The following MKS1 variants were observed in gnomAD, a reference collection of about 807,000 sequenced individuals.
MKS1 encodes the protein tectonic-like complex member MKS1.
In MKS1, 70 loss-of-function variants were observed where a neutral mutation model predicts 83.7. The observed-to-expected ratio is 0.84, with a 90% CI of 0.69 to 1.02. The LOEUF (loss-of-function observed/expected upper bound fraction) is 1.02, where lower values mean the gene tolerates loss of function less well. Ranked by LOEUF, MKS1 falls within the 50% of genes least tolerant of loss-of-function variation. The pLI is 0.00. For synonymous variants in MKS1, 251 were observed against 273.4 expected, an observed-to-expected ratio of 0.92 and a Z score of 0.81; for missense variants, 681 against 726.9, an observed-to-expected ratio of 0.94 and a Z score of 0.73.
At chr17:58,215,268 A>G (rs1969122945) in intron 4 of MKS1, among the ~76,000 whole-genome samples, 1 of 152,120 alleles carries the variant, frequency 6.6e-6, no homozygotes, top group Non-Finnish European at 1.5e-5. Flanking sequence ...ATTTTATTTA[A>G]TTTATATATT....
intron 11 of MKS1, 86 bp downstream of exon 11, chr17:58,210,573 C>T (rs1451223981): frequency 7.3e-6 from 9 of 1,240,418 alleles, no homozygotes; most frequent in Non-Finnish European, 1.1e-5. Context: ...ACAGTTTCAG[C>T]AGAGGAGTGG....
chr17:58,219,206 C>A lies in MKS1; in HGVS notation c.25G>T (p.Asp9Tyr). The change falls in exon 1 of 18, where the codon GAC becomes TAC. Residue 9 changes from aspartate to tyrosine, a missense_variant. Physicochemically the swap from Asp to Tyr is radical, Grantham distance 160. This residue lies in a region of MKS1 where 365 missense variants were observed against 383.8 expected (regional missense o/e 0.95). Coordinates refer to ENST00000393119, the MANE Select transcript of MKS1 (RefSeq NM_017777.4). MAETVWSTDTGEAVYRSRD... is the reference protein window; with the variant it reads MAETVWSTYTGEAVYRSRD... ...GAGCGATACACTGCCTCCCCGGTGT[C>A]AGTGCTCCAGACGGTCTCCGCCATG... The A allele has an allele frequency of 2.6e-6, 4 of 1,551,076 alleles. No homozygotes were observed. The highest frequency in any genetic ancestry group is 3.5e-6 in the Non-Finnish European group (4 of 1,146,986).
At position 58,205,929 on chromosome 17, in the gene MKS1, G is replaced by A; in HGVS notation, c.*150C>T. ...AGGGAGAAGACCCTGCAGAAGGCTAGGCAGAGGGGCCAGCCGGGAATTTCC... is the reference window on the plus strand; with the variant it reads ...AGGGAGAAGACCCTGCAGAAGGCTAAGCAGAGGGGCCAGCCGGGAATTTCC... On this transcript the variant is annotated 3_prime_UTR_variant, in exon 18 of 18. Coordinates refer to ENST00000393119, the MANE Select transcript of MKS1 (RefSeq NM_017777.4). The A allele has an allele frequency of 6.6e-7, 1 of 1,507,002 alleles. No homozygotes were observed. The highest frequency in any genetic ancestry group is 8.8e-7 in the Non-Finnish European group (1 of 1,130,706). The allele number at this position is 1,507,002 out of a possible 1,614,324, so 93.4% of individuals were successfully genotyped here.
Position 58,213,872 on chromosome 17 carries a change from A to G in MKS1, c.645-3T>C. On this transcript the variant is annotated splice_polypyrimidine_tract_variant and splice_region_variant and intron_variant, in intron 6 of 17. Transcript: ENST00000393119. ...GTTCATACTTCTTATAGCCAAGCCT[A>G]GAAATCAGGAAAACACCAAGGTTGA... The G allele has an allele frequency of 6.2e-7, 1 of 1,610,970 alleles. No individual in the cohort carries two copies.
At position 58,216,727 on chromosome 17, in the gene MKS1, C is replaced by A. The variant is rs780293222; in HGVS notation, c.200G>T (p.Arg67Leu). 6.2e-7 allele frequency: 1 copy of A among 1,614,098 alleles called. No individual in the cohort carries two copies. Among genetic ancestry groups the A allele is most frequent in the Non-Finnish European group, 8.5e-7 (1 of 1,179,984 alleles). The change falls in exon 3 of 18, where the codon CGC becomes CTC. Residue 67 changes from arginine (R) to leucine (L), a missense_variant. Coordinates refer to ENST00000393119, the MANE Select transcript of MKS1 (RefSeq NM_017777.4). ...FRPQPTASGH[R>L]PEEDEEEEIV... ...CTCCTCCTCTTCGTCTTCCTCTGGG[C>A]GGTGTCCACCTCCAAAGACAACAGA...
chr17:58,208,256 C>T (rs768271638), intron 12 of MKS1, 82 bp from the exon 13 acceptor site: 2 of 1,348,342 alleles, frequency 1.5e-6, no homozygotes, highest in African/African-American at 1.4e-5. Flanking sequence ...GTTATCTTCA[C>T]AAGGGAAAAA....
intron 5 of MKS1, 119 bp downstream of exon 5, chr17:58,214,622 T>A: frequency 8.2e-6 from 9 of 1,103,398 alleles, no homozygotes; most frequent in South Asian, 6.6e-5. Flanking sequence ...ATTTATTTTT[T>A]AAATTAATTA....
intron 2 of MKS1, among the ~76,000 whole-genome samples, chr17:58,218,163 A>T (rs1161169769): frequency 2.6e-5 from 4 of 152,176 alleles, no homozygotes; most frequent in African/African-American, 9.7e-5. Context: ...AAATGCCACA[A>T]ATAGGACGGG....
intron 2 of MKS1, 101 bp from the exon 3 acceptor site, chr17:58,216,837 C>T (rs987719415): frequency 3.3e-6 from 4 of 1,221,908 alleles, no homozygotes; most frequent in Admixed American, 1.9e-5. Flanking sequence ...ATATTTGCCA[C>T]AAAAACTAGC....
At chr17:58,213,382 G>T (rs1322586756) in intron 7 of MKS1, among the ~76,000 whole-genome samples, 1 of 152,150 alleles carries the variant, frequency 6.6e-6, no homozygotes, top group Non-Finnish European at 1.5e-5. Flanking sequence ...AAATGGACAG[G>T]TTGGGCCAGA....
intron 4 of MKS1, 27 bp from the exon 5 acceptor site, chr17:58,214,865 C>A (rs375851052): frequency 6.3e-7 from 1 of 1,585,304 alleles, no homozygotes; most frequent in Non-Finnish European, 8.5e-7. Context: ...GCCCTGTGTA[C>A]GCCATCTGGT....
intron 12 of MKS1, 36 bp downstream of exon 12, chr17:58,208,477 C>T (rs199580974): frequency 2.5e-6 from 4 of 1,607,556 alleles, no homozygotes; most frequent in Middle Eastern, 1.7e-4. Flanking sequence ...GAGCAGATCT[C>T]ATTCCCTTCC....
chr17:58,216,533 G>T, intron 3 of MKS1, 133 bp downstream of exon 3: 1 of 1,045,956 alleles, frequency 9.6e-7, no homozygotes, highest in Non-Finnish European at 1.5e-6. Flanking sequence ...ATGTTACAAT[G>T]CCCTTTAAAC....
chr17:58,216,345 TATC>T, intron 3 of MKS1, 102 bp from the exon 4 acceptor site: 5 of 1,274,074 alleles, frequency 3.9e-6, no homozygotes, highest in Non-Finnish European at 5.6e-6. Flanking sequence ...GAACTGATGC[TATC>T]TGACATGTTT....
intron 4 of MKS1, 105 bp from the exon 5 acceptor site, chr17:58,214,943 C>T: frequency 1.3e-6 from 2 of 1,509,984 alleles, no homozygotes; most frequent in Admixed American, 2.0e-5. Flanking sequence ...GGACCTGAAC[C>T]CCACAGGTTC....
In MKS1 at chr17:58,206,998, T is replaced by G. The variant is rs9913536; in HGVS notation, c.1407+87A>C. 3.9e-5 allele frequency: 61 copies of G among 1,570,238 alleles called. No homozygotes were observed. In the African/African-American group the frequency reaches 7.8e-4, roughly 20 times the overall value. The stretch of plus-strand genomic sequence containing the variant: ...GGTTAATACTGAAGCAATGCACAAC[T>G]AAGGGGTCTTGACCCAGATCCCACC... On this transcript the variant is annotated intron_variant, in intron 15 of 17. Transcript: ENST00000393119.
intron 11 of MKS1, among the ~76,000 whole-genome samples, chr17:58,210,372 T>A (rs929802320): frequency 6.6e-6 from 1 of 151,956 alleles, no homozygotes; most frequent in Admixed American, 6.6e-5. Context: ...AGGGAAGGCA[T>A]CACCCAAGAA....
chr17:58,211,120 G>A, intron 9 of MKS1, 98 bp from the exon 10 acceptor site: 1 of 1,235,920 alleles, frequency 8.1e-7, no homozygotes, highest in Non-Finnish European at 1.2e-6. Flanking sequence ...CCTGCCACTA[G>A]GGGTCAGGCC....
intron 4 of MKS1, chr17:58,215,788 T>C (rs1969158676): frequency 7.4e-6 from 3 of 407,156 alleles, no homozygotes; most frequent in Non-Finnish European, 1.4e-5. Context: ...TCATGATGCA[T>C]GGAGGAAGTC....
Sources: gnomAD v4.1 joint callset for allele counts (sites outside exome capture counted in the v4.1 genomes callset) on GRCh38, gnomAD v4.1.1 for gene constraint, gnomAD v4.1.1 regional missense constraint, MANE v1.5 for transcripts, NCBI Gene and HGNC (gene_info 2026-07-23, HGNC 2026-07-21) for gene names.